Variants in OGDH observed in about 807,000 individuals in gnomAD.
The protein encoded by OGDH is 2-oxoglutarate dehydrogenase complex component E1.
In OGDH, 38 loss-of-function variants were observed where a neutral mutation model predicts 116.6. The observed-to-expected ratio is 0.33, with a 90% CI of 0.25 to 0.43. The LOEUF (loss-of-function observed/expected upper bound fraction) is 0.43. Among genes scored for constraint, OGDH ranks in the 20% least tolerant of loss-of-function variants. The pLI, the probability that OGDH is intolerant of heterozygous loss-of-function variation, is 1.00. For missense variants in OGDH, 825 were observed against 1,357.2 expected (o/e 0.61, Z 6.16); for synonymous variants, 488 against 533.3 (o/e 0.92, Z 1.17).
chr7:44,645,532 T>C lies in OGDH; in HGVS notation c.414+14T>C, dbSNP rs1048204349. Reference sequence around the variant, plus strand: ...AGGGCATATCAGGTAAGGCGGGTGCTTTACCCGCACACGGGAAAGGGTGCA... The same window carrying C: ...AGGGCATATCAGGTAAGGCGGGTGCCTTACCCGCACACGGGAAAGGGTGCA... On this transcript the variant is annotated intron_variant, in intron 3 of 22. Coordinates refer to ENST00000222673, the MANE Select transcript of OGDH (RefSeq NM_002541.4). The C allele has an allele frequency of 1.9e-6, 3 of 1,611,148 alleles. No homozygotes were observed. Among genetic ancestry groups the C allele is most frequent in the African/African-American group, 2.7e-5 (2 of 74,840 alleles).
chr7:44,680,602 A>G (rs995027030), intron 9 of OGDH, among the ~76,000 whole-genome samples: 1 of 152,164 alleles, frequency 6.6e-6, no homozygotes, highest in Non-Finnish European at 1.5e-5. Context: ...GTGCGCCTGC[A>G]TATGCACACA....
At chr7:44,664,817 C>T (rs560031222) in intron 4 of OGDH, among the ~76,000 whole-genome samples, 22 of 152,232 alleles carry the variant, frequency 1.4e-4, no homozygotes, top group South Asian at 6.2e-4. Flanking sequence ...TAAAAGTGTA[C>T]CAGCAGTTCT....
At chr7:44,610,302 T>TTTTG (rs544232081) in intron 1 of OGDH, among the ~76,000 whole-genome samples, 72 of 152,252 alleles carry the variant, frequency 4.7e-4, no homozygotes, top group African/African-American at 1.4e-3. Context: ...TTGGTTTTTT[T>TTTTG]TTTGTTTGTT....
intron 1 of OGDH, among the ~76,000 whole-genome samples, chr7:44,607,312 T>C (rs576782335): frequency 6.6e-6 from 1 of 152,328 alleles, no homozygotes; most frequent in South Asian, 2.1e-4. Flanking sequence ...AGCACCATTT[T>C]CCCTCGAAAA....
intron 2 of OGDH, among the ~76,000 whole-genome samples, chr7:44,626,336 TACAC>T (rs138545641): frequency 0.02 from 2,846 of 144,312 alleles, 103 homozygotes; most frequent in African/African-American, 0.068. Flanking sequence ...CACACACCCC[TACAC>T]ACACACACAC....
Position 44,693,809 on chromosome 7 carries a change from T to C in OGDH, c.1336-16T>C. On this transcript the variant is annotated splice_polypyrimidine_tract_variant and intron_variant, in intron 10 of 22. Coordinates refer to ENST00000222673, the MANE Select transcript of OGDH (RefSeq NM_002541.4). ...TGTGCCAGGTGCCCTCTTGCTAGGC[T>C]ACATGTTCCTTGCAGATCGGCTTCA... is the stretch of plus-strand genomic sequence containing the variant. 6.4e-7 allele frequency: 1 copy of C among 1,566,946 alleles called. No individual in the cohort carries two copies. The highest frequency in any genetic ancestry group is 1.2e-5 in the South Asian group (1 of 85,140).
At chr7:44,634,590 A>G (rs1785584006) in intron 2 of OGDH, among the ~76,000 whole-genome samples, 1 of 152,210 alleles carries the variant, frequency 6.6e-6, no homozygotes, top group African/African-American at 2.4e-5. Context: ...TGTCACCTAT[A>G]ATGACTAAGC....
intron 9 of OGDH, among the ~76,000 whole-genome samples, chr7:44,680,856 G>A (rs888755216): frequency 6.6e-6 from 1 of 152,168 alleles, no homozygotes; most frequent in African/African-American, 2.4e-5. Flanking sequence ...AGGAAAGGGA[G>A]GCAGCTGGAC....
At position 44,669,176 on chromosome 7, in the gene OGDH, A is replaced by G. The variant is rs1389418523; in HGVS notation, c.633+2325A>G. On this transcript the variant is annotated intron_variant, in intron 5 of 22. Transcript: ENST00000222673. ...TTTTTTTTTTTTTTTTTTTTGAGAC[A>G]GGGTCTCACTCTGTCACCCAGGCTG... Among the ~76,000 whole-genome samples the G allele has an allele frequency of 2.0e-4, 18 of 88,670 alleles. No individual in the cohort carries two copies. The East Asian group carries it at 0.01, about 49-fold the overall frequency. The allele number at this position is 88,670 out of a possible 152,430, so 58.2% of individuals were successfully genotyped here.
At chr7:44,632,663 G>A (rs530840714) in intron 2 of OGDH, among the ~76,000 whole-genome samples, 8 of 151,996 alleles carry the variant, frequency 5.3e-5, no homozygotes, top group South Asian at 2.1e-4. Flanking sequence ...TGTCACACAG[G>A]CTAGAGTGCA....
At chr7:44,692,880 T>C (rs1291552544) in intron 10 of OGDH, among the ~76,000 whole-genome samples, 2 of 149,066 alleles carry the variant, frequency 1.3e-5, no homozygotes, top group African/African-American at 5.0e-5. Flanking sequence ...ACAAAAAAAA[T>C]TTAAAAATTA....
At chr7:44,701,416 C>T (rs1180033224) in intron 19 of OGDH, 127 bp from the exon 20 acceptor site, 3 of 734,204 alleles carry the variant, frequency 4.1e-6, no homozygotes, top group South Asian at 3.1e-5. Flanking sequence ...ACCTGAGGCT[C>T]CTGTTGAGTG....
rs1789170564 is a variant in OGDH, at chr7:44,708,131, G to A, written c.*132G>A. Reference sequence around the variant, plus strand: ...TCGCTGTGCCACCACCCCTCCCTCTGCTCTCATAGGAGTTAGGCTGTCGTC... The same window carrying A: ...TCGCTGTGCCACCACCCCTCCCTCTACTCTCATAGGAGTTAGGCTGTCGTC... On this transcript the variant is annotated 3_prime_UTR_variant, in exon 23 of 23. Coordinates refer to ENST00000222673, the MANE Select transcript of OGDH (RefSeq NM_002541.4). 1.3e-5 allele frequency: 17 copies of A among 1,260,910 alleles called. No individual in the cohort carries two copies. The highest frequency in any genetic ancestry group is 1.9e-5 in the Non-Finnish European group (17 of 915,086). 78.1% of individuals were successfully genotyped at this position (1,260,910 alleles called of 1,614,324 possible).
In OGDH at chr7:44,707,510, C is replaced by T. The variant is rs564138474; in HGVS notation, c.2797-72C>T. ...TCCTGACCTTCCCTGCTCGGAACAC[C>T]AGTTTCCCTTTGCTGGATCTTGCCT... On this transcript the variant is annotated intron_variant, in intron 21 of 22. Transcript: ENST00000222673. The surrounding 1 kb of genome is among the most constrained non-coding windows in gnomAD (Gnocchi z 5.2). 233 of 1,600,408 alleles carry T rather than the reference C, an allele frequency of 1.5e-4. 4 individuals carry two copies. The South Asian group carries it at 2.5e-3, about 17-fold the overall frequency.
Position 44,707,534 on chromosome 7 carries a change from C to T in OGDH, c.2797-48C>T. On this transcript the variant is annotated intron_variant, in intron 21 of 22. Coordinates refer to ENST00000222673, the MANE Select transcript of OGDH (RefSeq NM_002541.4). The surrounding 1 kb of genome is among the most constrained non-coding windows in gnomAD (Gnocchi z 5.2). Reference sequence around the variant, plus strand: ...CCAGTTTCCCTTTGCTGGATCTTGCCTGCCCTCTGAGTTTCCTCTTTTTGA... The same window carrying T: ...CCAGTTTCCCTTTGCTGGATCTTGCTTGCCCTCTGAGTTTCCTCTTTTTGA... The T allele has an allele frequency of 6.2e-7, 1 of 1,608,164 alleles. No individual in the cohort carries two copies. The highest frequency in any genetic ancestry group is 8.5e-7 in the Non-Finnish European group (1 of 1,177,244).
chr7:44,708,360 C>T lies in OGDH; in HGVS notation c.*361C>T, dbSNP rs551517578. ...GAACTGGGCCTTGTGTGCTGGCTTC[C>T]GCTGTCACCCAGCAAGGCACAGGCT... On this transcript the variant is annotated 3_prime_UTR_variant, in exon 23 of 23. Coordinates refer to ENST00000222673, the MANE Select transcript of OGDH (RefSeq NM_002541.4). 8.5e-5 allele frequency: 16 copies of T among 188,332 alleles called. No homozygotes were observed. Among genetic ancestry groups the T allele is most frequent in the African/African-American group, 2.1e-4 (9 of 42,632 alleles). 11.7% of individuals were successfully genotyped at this position (188,332 alleles called of 1,614,324 possible).
At chr7:44,658,591 T>C (rs912918172) in intron 4 of OGDH, among the ~76,000 whole-genome samples, 1 of 152,106 alleles carries the variant, frequency 6.6e-6, no homozygotes, top group African/African-American at 2.4e-5. Flanking sequence ...GCTACAACTT[T>C]TAGCACCGTA....
chr7:44,688,983 CAGGT>C (rs1365690826), intron 10 of OGDH, among the ~76,000 whole-genome samples: 1 of 152,162 alleles, frequency 6.6e-6, no homozygotes, highest in Non-Finnish European at 1.5e-5. Context: ...CTCCTGGCCT[CAGGT>C]GATCTACCTG....
intron 1 of OGDH, among the ~76,000 whole-genome samples, chr7:44,619,735 G>GT (rs976093397): frequency 1.3e-5 from 2 of 151,872 alleles, no homozygotes; most frequent in African/African-American, 2.4e-5. Context: ...TTGTGTACAA[G>GT]TTTTTTTTGT....
Sources: gnomAD v4.1 joint callset for allele counts (sites outside exome capture counted in the v4.1 genomes callset) on GRCh38, gnomAD v4.1.1 for gene constraint, Gnocchi (gnomAD v3.1) non-coding constraint, MANE v1.5 for transcripts, NCBI Gene and HGNC (gene_info 2026-07-23, HGNC 2026-07-21) for gene names.